Variants in LFNG observed in about 807,000 individuals in gnomAD.
LFNG encodes the protein LFNG O-fucosylpeptide 3-beta-N-acetylglucosaminyltransferase.
Under a neutral mutation model 32.7 loss-of-function variants are expected in LFNG, and 15 were observed. The observed-to-expected ratio is 0.46, with a 90% CI of 0.31 to 0.71. LFNG has a LOEUF of 0.71. Ranked by LOEUF, LFNG falls within the 30% of genes least tolerant of loss-of-function variation. The pLI, the probability that LFNG is intolerant of heterozygous loss-of-function variation, is 0.06. For synonymous variants in LFNG, 274 were observed against 246.8 expected (o/e 1.11, Z -1.03); for missense variants, 520 against 545.7 (o/e 0.95, Z 0.47).
Position 2,520,435 on chromosome 7 carries a change from C to T in LFNG, c.432+142C>T, listed in dbSNP as rs1779759156. Reference sequence around the variant, plus strand: ...ATCTGTGGGCGACGCCAGTGCACCCCGGTGCACCCAGTTTGCCTGCTGGGG... The same window carrying T: ...ATCTGTGGGCGACGCCAGTGCACCCTGGTGCACCCAGTTTGCCTGCTGGGG... On this transcript the variant is annotated intron_variant, in intron 1 of 7. Transcript: ENST00000222725. The surrounding 1 kb of genome is among the most constrained non-coding windows in gnomAD (Gnocchi z 5.0). 4.0e-6 allele frequency: 3 copies of T among 742,792 alleles called. No homozygotes were observed. The highest frequency in any genetic ancestry group is 3.2e-5 in the East Asian group (1 of 30,956). The allele number at this position is 742,792 out of a possible 1,614,324, so 46.0% of individuals were successfully genotyped here. A position where few individuals can be genotyped will look rare whatever the true frequency, so the allele number is the denominator to read the frequency against.
At chr7:2,522,142 G>T (rs1393047697) in intron 1 of LFNG, among the ~76,000 whole-genome samples, 2 of 152,228 alleles carry the variant, frequency 1.3e-5, no homozygotes, top group Admixed American at 1.3e-4. Flanking sequence ...CTGTGCGGGG[G>T]GAAAACCCCG....
downstream of LFNG, chr7:2,528,511 G>C (rs377749953): frequency 3.0e-5 from 24 of 793,666 alleles, no homozygotes; most frequent in African/African-American, 4.3e-4. Flanking sequence ...AGGTGAAGGG[G>C]AGGCTTGGCC....
At chr7:2,517,078 C>T (rs1232683939), upstream of LFNG, among the ~76,000 whole-genome samples, 1 of 152,186 alleles carries the variant, frequency 6.6e-6, no homozygotes, top group Non-Finnish European at 1.5e-5. Context: ...TCCCACAGCC[C>T]ACTTCCCTAC....
upstream of LFNG, among the ~76,000 whole-genome samples, chr7:2,515,170 TCATCCATC>T (rs1448414659): frequency 1.5e-5 from 2 of 137,548 alleles, no homozygotes; most frequent in African/African-American, 5.4e-5. Flanking sequence ...ATCCATCTAT[TCATCCATC>T]CATCCATCCG....
upstream of LFNG, chr7:2,513,392 TC>T: frequency 6.7e-7 from 1 of 1,492,678 alleles, no homozygotes; most frequent in Non-Finnish European, 9.0e-7. Flanking sequence ...GCCTGGAATA[TC>T]CTTTGATGCT....
chr7:2,518,713 C>A (rs936220527), upstream of LFNG: 12 of 1,413,764 alleles, frequency 8.5e-6, no homozygotes, highest in Admixed American at 2.2e-5. Flanking sequence ...TCGTGGTGGT[C>A]GCAGAGACCC....
In LFNG at chr7:2,519,901, G is replaced by A. The variant is rs1343216430; in HGVS notation, c.40G>A (p.Ala14Thr). 1 of 1,100,234 alleles carries A rather than the reference G, an allele frequency of 9.1e-7. No individual in the cohort carries two copies. The highest frequency in any genetic ancestry group is 1.1e-6 in the Non-Finnish European group (1 of 899,440). 68.2% of individuals were successfully genotyped at this position (1,100,234 alleles called of 1,614,324 possible). The change falls in exon 1 of 8, where the codon GCG becomes ACG. Residue 14 changes from alanine to threonine, a missense_variant. By Grantham distance (58) the Ala-to-Thr change is moderately conservative. Coordinates refer to ENST00000222725, the MANE Select transcript of LFNG (RefSeq NM_001040167.2). Reference sequence around the variant, plus strand: ...CGGCCGGCGCCTGCTGCTGGCGCTGGCGGGCGCGCTGCTCGCCTGCCTGCT... The same window carrying A: ...CGGCCGGCGCCTGCTGCTGGCGCTGACGGGCGCGCTGCTCGCCTGCCTGCT... ...RCGRRLLLAL[A>T]GALLACLLVL... is the part of the protein sequence containing the mutation.
In LFNG at chr7:2,527,818, T is replaced by G; in HGVS notation, c.*606T>G. On this transcript the variant is annotated 3_prime_UTR_variant, in exon 8 of 8. Transcript: ENST00000222725. The surrounding 1 kb of genome is among the most constrained non-coding windows in gnomAD (Gnocchi z 4.4). ...CCACGAAGCCCCCAGTGGCTGGCTG[T>G]CCAGCTGGGCAAACAGTGGCACCCC... is the stretch of plus-strand genomic sequence containing the variant. 1.0e-6 allele frequency: 1 copy of G among 1,003,840 alleles called. No individual in the cohort carries two copies. Among genetic ancestry groups the G allele is most frequent in the Non-Finnish European group, 1.2e-6 (1 of 839,524 alleles). 62.2% of individuals were successfully genotyped at this position (1,003,840 alleles called of 1,614,324 possible).
Position 2,527,404 on chromosome 7 carries a change from G to A in LFNG, c.*192G>A. 1 of 1,470,296 alleles carries A rather than the reference G, an allele frequency of 6.8e-7. No homozygotes were observed. Among genetic ancestry groups the A allele is most frequent in the South Asian group, 1.3e-5 (1 of 74,550 alleles). 91.1% of individuals were successfully genotyped at this position (1,470,296 alleles called of 1,614,324 possible). On this transcript the variant is annotated 3_prime_UTR_variant, in exon 8 of 8. Transcript: ENST00000222725. This position sits in a 1 kb window ranked among gnomAD's most constrained non-coding sequence, Gnocchi z 4.4. ...CTGCTGGGCAGTTCTGCTCTGTGGA[G>A]GGGCGGGCACCAGCGCCACTTATGT...
At chr7:2,518,374 C>T (rs1779681129), upstream of LFNG, among the ~76,000 whole-genome samples, 2 of 152,164 alleles carry the variant, frequency 1.3e-5, no homozygotes, top group Admixed American at 6.5e-5. Flanking sequence ...GGCCTGGGAA[C>T]CCCCATCCCC....
chr7:2,524,642 C>A, intron 1 of LFNG, 53 bp from the exon 2 acceptor site: 1 of 1,533,214 alleles, frequency 6.5e-7, no homozygotes, highest in Non-Finnish European at 8.9e-7. Context: ...CCACAGATGG[C>A]CCTGGGGTGG....
At position 2,520,336 on chromosome 7, in the gene LFNG, G is replaced by T; in HGVS notation, c.432+43G>T. On this transcript the variant is annotated intron_variant, in intron 1 of 7. Transcript: ENST00000222725. This position sits in a 1 kb window ranked among gnomAD's most constrained non-coding sequence, Gnocchi z 5.0. ...TGGACTGGCGGGCGAGCGGGGCGGG[G>T]ACCCACCATCTGGTCCAGCTGGTGG... 2 of 1,569,966 alleles carry T rather than the reference G, an allele frequency of 1.3e-6. No homozygotes were observed. The highest frequency in any genetic ancestry group is 2.2e-5 in the South Asian group (2 of 89,480).
chr7:2,517,192 G>C (rs1779648267), upstream of LFNG, among the ~76,000 whole-genome samples: 1 of 152,192 alleles, frequency 6.6e-6, no homozygotes, highest in South Asian at 2.1e-4. Context: ...GGCGGGGGTG[G>C]CTAGGCGGGC....
chr7:2,519,885 C>A lies in LFNG; in HGVS notation c.24C>A (p.Arg8=). The A allele has an allele frequency of 9.1e-7, 1 of 1,104,916 alleles. No individual in the cohort carries two copies. Among genetic ancestry groups the A allele is most frequent in the Non-Finnish European group, 1.1e-6 (1 of 902,582 alleles). The allele number at this position is 1,104,916 out of a possible 1,614,324, so 68.4% of individuals were successfully genotyped here. A position where few individuals can be genotyped will look rare whatever the true frequency, so the allele number is the denominator to read the frequency against. The change falls in exon 1 of 8, where the codon CGC becomes CGA. Residue 8 remains arginine, a synonymous_variant. Coordinates refer to ENST00000222725, the MANE Select transcript of LFNG (RefSeq NM_001040167.2). ...CCATGCTCAAGCGCTGCGGCCGGCG[C>A]CTGCTGCTGGCGCTGGCGGGCGCGC... MLKRCGR[R]LLLALAGALL...
Position 2,519,933 on chromosome 7 carries a change from C to T in LFNG, c.72C>T (p.Leu24=). The T allele has an allele frequency of 2.9e-6, 3 of 1,032,954 alleles. No individual in the cohort carries two copies. The highest frequency in any genetic ancestry group is 3.5e-6 in the Non-Finnish European group (3 of 862,486). The allele number at this position is 1,032,954 out of a possible 1,614,324, so 64.0% of individuals were successfully genotyped here. Residue 24 remains leucine, a synonymous_variant, in exon 1 of 8, where the codon CTC becomes CTT. Coordinates refer to ENST00000222725, the MANE Select transcript of LFNG (RefSeq NM_001040167.2). ...AGALLACLLV[L]TADPPPPPLP... is the part of the protein sequence containing the mutation. ...CGCTGCTCGCCTGCCTGCTGGTGCT[C>T]ACCGCCGACCCGCCGCCGCCTCCAC...
chr7:2,518,413 G>A (rs1258280259), upstream of LFNG: 10 of 702,792 alleles, frequency 1.4e-5, no homozygotes, highest in Middle Eastern at 3.6e-4. Flanking sequence ...CAGGGGCTAG[G>A]GGTGGGGCCC....
At chr7:2,517,214 C>A (rs1779648987), upstream of LFNG, among the ~76,000 whole-genome samples, 2 of 152,182 alleles carry the variant, frequency 1.3e-5, no homozygotes, top group Admixed American at 1.3e-4. Context: ...ACCCCCTCAA[C>A]AGTTTTCAGA....
intron 1 of LFNG, among the ~76,000 whole-genome samples, chr7:2,522,654 G>C (rs1211010486): frequency 6.6e-6 from 1 of 151,908 alleles, no homozygotes; most frequent in Non-Finnish European, 1.5e-5. Context: ...GTGGCACTGG[G>C]GGGTCTGGGT....
Position 2,526,945 on chromosome 7 carries a change from G to T in LFNG, c.1073+24G>T, listed in dbSNP as rs748369470. On this transcript the variant is annotated intron_variant, in intron 7 of 7. Coordinates refer to ENST00000222725, the MANE Select transcript of LFNG (RefSeq NM_001040167.2). The surrounding 1 kb of genome is among the most constrained non-coding windows in gnomAD (Gnocchi z 6.9). ...AGGTAAGGAAACCCCGGCCCAGATG[G>T]GCTTGCGTAGGGTGGCCTAGGGGCG... The T allele has an allele frequency of 6.2e-7, 1 of 1,607,712 alleles. No individual in the cohort carries two copies. Among genetic ancestry groups the T allele is most frequent in the Non-Finnish European group, 8.5e-7 (1 of 1,176,216 alleles).
Sources: gnomAD v4.1 joint callset for allele counts (sites outside exome capture counted in the v4.1 genomes callset) on GRCh38, gnomAD v4.1.1 for gene constraint, Gnocchi (gnomAD v3.1) non-coding constraint, MANE v1.5 for transcripts, NCBI Gene and HGNC (gene_info 2026-07-23, HGNC 2026-07-21) for gene names.